The following RTL10 variants were observed in gnomAD, a reference collection of about 807,000 sequenced individuals.
RTL10 encodes protein Bop.
For synonymous variants in RTL10, 199 were observed against 188.4 expected (o/e 1.06, Z -0.46); for missense variants, 477 against 470.7 (o/e 1.01, Z -0.12).
In RTL10 at chr22:19,852,460, C is replaced by A; in HGVS notation, c.-199G>T. 1.3e-5 allele frequency: 8 copies of A among 602,780 alleles called. No individual in the cohort carries two copies. Among genetic ancestry groups the A allele is most frequent in the Non-Finnish European group, 1.8e-5 (6 of 338,792 alleles). The allele number at this position is 602,780 out of a possible 1,614,324, so 37.3% of individuals were successfully genotyped here. On this transcript the variant is annotated 5_prime_UTR_variant, in exon 3 of 3. An upstream open reading frame in the 5' UTR loses its in-frame stop. Coordinates refer to ENST00000328554, the MANE Select transcript of RTL10 (RefSeq NM_024627.6). ...GAGCTGAGAAGAGCTGAGAGACTGT[C>A]AGTCGCAGGCCATCATCCGAGGCAA...
Position 19,851,810 on chromosome 22 carries a change from T to A in RTL10, c.452A>T (p.Gln151Leu). 1 of 1,614,032 alleles carries A rather than the reference T, an allele frequency of 6.2e-7. No individual in the cohort carries two copies. Residue 151 changes from glutamine (Q) to leucine (L), a missense_variant, in exon 3 of 3, where the codon CAG becomes CTG. By Grantham distance (113) the Gln-to-Leu change is moderately radical (BLOSUM62 -2). Coordinates refer to ENST00000328554, the MANE Select transcript of RTL10 (RefSeq NM_024627.6). ...ATCAAGGTAGGGGGCTGCCCAGGCC[T>A]GGGCTCGGCCTGTTAGGCGCCTGAG... is the stretch of plus-strand genomic sequence containing the variant. ...EILRRLTGRA[Q>L]AWAAPYLDGD...
At position 19,850,859 on chromosome 22, in the gene RTL10, G is replaced by A; in HGVS notation, c.*308C>T. The A allele has an allele frequency of 2.3e-6, 3 of 1,326,760 alleles. No homozygotes were observed. The highest frequency in any genetic ancestry group is 2.5e-5 in the South Asian group (1 of 39,958). 82.2% of individuals were successfully genotyped at this position (1,326,760 alleles called of 1,614,324 possible). A position where few individuals can be genotyped will look rare whatever the true frequency, so the allele number is the denominator to read the frequency against. On this transcript the variant is annotated 3_prime_UTR_variant, in exon 3 of 3. Transcript: ENST00000328554. The stretch of plus-strand genomic sequence containing the variant: ...GACAAAGATGATGCAACTATCTGCT[G>A]AGAGTTGATCTACAAAACGACCCCC...
In RTL10 at chr22:19,850,691, G is replaced by C. The variant is rs1305097198; in HGVS notation, c.*476C>G. ...CATTCCAGCTGGGACAGAAGTCACA[G>C]GGAGCAGAGAGGGTGGGGCTAGGGG... On this transcript the variant is annotated 3_prime_UTR_variant, in exon 3 of 3. Coordinates refer to ENST00000328554, the MANE Select transcript of RTL10 (RefSeq NM_024627.6). 1 of 1,231,934 alleles carries C rather than the reference G, an allele frequency of 8.1e-7. No homozygotes were observed. The highest frequency in any genetic ancestry group is 1.0e-6 in the Non-Finnish European group (1 of 988,812). 76.3% of individuals were successfully genotyped at this position (1,231,934 alleles called of 1,614,324 possible).
chr22:19,852,835 T>G (rs1280654755), intron 2 of RTL10, among the ~76,000 whole-genome samples: 1 of 152,130 alleles, frequency 6.6e-6, no homozygotes, highest in Non-Finnish European at 1.5e-5. Context: ...AGGCACACAG[T>G]GGTGAAGTAA....
Position 19,852,238 on chromosome 22 carries a change from C to A in RTL10, c.24G>T (p.Gln8His), listed in dbSNP as rs200464874. MPRGRCR[Q>H]QGPRIPIWAA... is the part of the protein sequence containing the mutation. The stretch of plus-strand genomic sequence containing the variant: ...CCCAGATGGGAATGCGAGGGCCCTG[C>A]TGACGGCACCGGCCACGAGGCATGC... The change falls in exon 3 of 3, where the codon CAG (glutamine) becomes CAT (histidine). Residue 8 changes from glutamine to histidine, a missense_variant. Coordinates refer to ENST00000328554, the MANE Select transcript of RTL10 (RefSeq NM_024627.6). 1 of 1,607,976 alleles carries A rather than the reference C, an allele frequency of 6.2e-7. No individual in the cohort carries two copies. The highest frequency in any genetic ancestry group is 8.5e-7 in the Non-Finnish European group (1 of 1,177,488).
At chr22:19,852,614 C>A (rs148084730) in intron 2 of RTL10, 128 bp from the exon 3 acceptor site, 3 of 268,720 alleles carry the variant, frequency 1.1e-5, no homozygotes, top group Non-Finnish European at 2.1e-5. Flanking sequence ...AAGGAGGGGC[C>A]CAGGGGGCTG....
Position 19,847,374 on chromosome 22 carries a change from T to C in RTL10, c.*3793A>G. Reference sequence around the variant, plus strand: ...GCCTTGCTCCTTTATTGCTGGATCTTTGGGCTTTTCCAGTTCTGCTGTTCA... The same window carrying C: ...GCCTTGCTCCTTTATTGCTGGATCTCTGGGCTTTTCCAGTTCTGCTGTTCA... On this transcript the variant is annotated 3_prime_UTR_variant, in exon 3 of 3. Transcript: ENST00000328554. 1.2e-5 allele frequency: 12 copies of C among 985,452 alleles called. No individual in the cohort carries two copies. The highest frequency in any genetic ancestry group is 1.4e-5 in the Non-Finnish European group (12 of 829,932). 61.0% of individuals were successfully genotyped at this position (985,452 alleles called of 1,614,324 possible). A position where few individuals can be genotyped will look rare whatever the true frequency, so the allele number is the denominator to read the frequency against.
In RTL10 at chr22:19,847,502, G is replaced by GCC. The variant is rs1569056267; in HGVS notation, c.*3664_*3665insGG. 40 of 985,264 alleles carry GCC rather than the reference G, an allele frequency of 4.1e-5. No homozygotes were observed. The highest frequency in any genetic ancestry group is 4.7e-5 in the Non-Finnish European group (39 of 829,958). The allele number at this position is 985,264 out of a possible 1,614,324, so 61.0% of individuals were successfully genotyped here. Reference sequence around the variant, plus strand: ...TCAACCCTTCTAACCACCCCATGAGGAAAAACTCTGGTCACAGCTCAAAAA... The same window carrying GCC: ...TCAACCCTTCTAACCACCCCATGAGGCCAAAAACTCTGGTCACAGCTCAAAAA... On this transcript the variant is annotated 3_prime_UTR_variant, in exon 3 of 3. Transcript: ENST00000328554.
Position 19,850,928 on chromosome 22 carries a change from G to A in RTL10, c.*239C>T. On this transcript the variant is annotated 3_prime_UTR_variant, in exon 3 of 3. Transcript: ENST00000328554. The stretch of plus-strand genomic sequence containing the variant: ...GTGAGACGGCACTCCCAGAAGACGG[G>A]CAGGGATGCAGCAGAGAGCCAGCAG... The A allele has an allele frequency of 1.5e-6, 2 of 1,365,860 alleles. No individual in the cohort carries two copies. Among genetic ancestry groups the A allele is most frequent in the Non-Finnish European group, 1.9e-6 (2 of 1,063,720 alleles). The allele number at this position is 1,365,860 out of a possible 1,614,324, so 84.6% of individuals were successfully genotyped here.
chr22:19,853,323 G>A (rs932774828), intron 2 of RTL10, among the ~76,000 whole-genome samples: 2 of 152,136 alleles, frequency 1.3e-5, no homozygotes, highest in African/African-American at 4.8e-5. Context: ...TCTGATGGCT[G>A]GACCCGCCCC....
rs945157024 is a variant in RTL10 at position 19,847,660 on chromosome 22, G to A, written c.*3507C>T. The A allele has an allele frequency of 1.0e-6, 1 of 984,952 alleles. No homozygotes were observed. The highest frequency in any genetic ancestry group is 5.2e-4 in the Middle Eastern group (1 of 1,912). The allele number at this position is 984,952 out of a possible 1,614,324, so 61.0% of individuals were successfully genotyped here. ...GCAAGAGCCTTCATGCACCTAGCAAGTAGTCACAGCATGCATGTGCCTAGA... is the reference window on the plus strand; with the variant it reads ...GCAAGAGCCTTCATGCACCTAGCAAATAGTCACAGCATGCATGTGCCTAGA... On this transcript the variant is annotated 3_prime_UTR_variant, in exon 3 of 3. Transcript: ENST00000328554.
chr22:19,846,801 A>C lies in RTL10; in HGVS notation c.*4366T>G, dbSNP rs1937972197. ...AGGCCAAGGAGCGAGGCCTCAGGAG[A>C]AACCAACCCTGCCCACACCTTGATC... On this transcript the variant is annotated 3_prime_UTR_variant, in exon 3 of 3. Transcript: ENST00000328554. 3.3e-6 allele frequency: 2 copies of C among 612,276 alleles called. No homozygotes were observed. Among genetic ancestry groups the C allele is most frequent in the South Asian group, 1.4e-4 (2 of 13,968 alleles). 37.9% of individuals were successfully genotyped at this position (612,276 alleles called of 1,614,324 possible).
chr22:19,850,832 G>C lies in RTL10; in HGVS notation c.*335C>G. On this transcript the variant is annotated 3_prime_UTR_variant, in exon 3 of 3. Transcript: ENST00000328554. ...AGGGGGGTGTTTTATGGGGGTGGAG[G>C]TGACAAAGATGATGCAACTATCTGC... is the stretch of plus-strand genomic sequence containing the variant. The C allele has an allele frequency of 1.5e-6, 2 of 1,305,376 alleles. No individual in the cohort carries two copies. Among genetic ancestry groups the C allele is most frequent in the Non-Finnish European group, 1.9e-6 (2 of 1,031,544 alleles). The allele number at this position is 1,305,376 out of a possible 1,614,324, so 80.9% of individuals were successfully genotyped here.
At position 19,848,871 on chromosome 22, in the gene RTL10, G is replaced by C; in HGVS notation, c.*2296C>G. On this transcript the variant is annotated 3_prime_UTR_variant, in exon 3 of 3. Coordinates refer to ENST00000328554, the MANE Select transcript of RTL10 (RefSeq NM_024627.6). ...TAAAGGGAGATGGGGAAGGTGGCCT[G>C]TCCAGAAGCCTGTGGGACAGGGTAA... 1.0e-6 allele frequency: 1 copy of C among 985,470 alleles called. No individual in the cohort carries two copies. Among genetic ancestry groups the C allele is most frequent in the Non-Finnish European group, 1.2e-6 (1 of 829,956 alleles). 61.0% of individuals were successfully genotyped at this position (985,470 alleles called of 1,614,324 possible). A position where few individuals can be genotyped will look rare whatever the true frequency, so the allele number is the denominator to read the frequency against.
In RTL10 at chr22:19,851,329, G is replaced by C. The variant is rs771017052; in HGVS notation, c.933C>G (p.Ala311=). 11 of 1,614,076 alleles carry C rather than the reference G, an allele frequency of 6.8e-6. No individual in the cohort carries two copies. The Middle Eastern group carries it at 6.6e-4, about 97-fold the overall frequency. ...CTGGATGAGCTGGGTCTGGTCTCTG[G>C]GCAGGAGGATTAGCTGACTCCGACA... ...PRLSESANPP[A]QRPDPAHPGG... The change falls in exon 3 of 3, where the codon GCC becomes GCG. Residue 311 remains alanine, a synonymous_variant. Transcript: ENST00000328554.
chr22:19,853,009 G>C (rs1041121724), intron 2 of RTL10, among the ~76,000 whole-genome samples: 2 of 152,156 alleles, frequency 1.3e-5, no homozygotes, highest in African/African-American at 4.8e-5. Context: ...AGACCGCGTC[G>C]TCATTAGGCT....
At position 19,846,299 on chromosome 22, in the gene RTL10, G is replaced by T; in HGVS notation, c.*4868C>A. 2 of 481,134 alleles carry T rather than the reference G, an allele frequency of 4.2e-6. No individual in the cohort carries two copies. The highest frequency in any genetic ancestry group is 5.4e-6 in the Non-Finnish European group (2 of 368,234). The allele number at this position is 481,134 out of a possible 1,614,324, so 29.8% of individuals were successfully genotyped here. On this transcript the variant is annotated 3_prime_UTR_variant, in exon 3 of 3. Coordinates refer to ENST00000328554, the MANE Select transcript of RTL10 (RefSeq NM_024627.6). ...GTGGACTCAAGGTTGAATGTCAAAG[G>T]CAGAAAGTTACAACCTGGGAATACA... is the stretch of plus-strand genomic sequence containing the variant.
In RTL10 at chr22:19,854,688, CA is replaced by C. The variant is rs1238176506; in HGVS notation, c.-352del. On this transcript the variant is annotated 5_prime_UTR_variant, in exon 1 of 3. Transcript: ENST00000328554. ...GAAACTGAGGCCCGCAGACCGAAGGCACTGCGACCCAGGCTGGGGCTCCGAG... is the reference window on the plus strand; with the variant it reads ...GAAACTGAGGCCCGCAGACCGAAGGCCTGCGACCCAGGCTGGGGCTCCGAG... The C allele has an allele frequency of 6.6e-6, 1 of 152,600 alleles. No homozygotes were observed. Among genetic ancestry groups the C allele is most frequent in the Non-Finnish European group, 1.5e-5 (1 of 68,276 alleles). 9.5% of individuals were successfully genotyped at this position (152,600 alleles called of 1,614,324 possible).
At position 19,851,211 on chromosome 22, in the gene RTL10, C is replaced by T. The variant is rs1260661261; in HGVS notation, c.1051G>A (p.Ala351Thr). The T allele has an allele frequency of 6.3e-7, 1 of 1,595,064 alleles. No homozygotes were observed. Among genetic ancestry groups the T allele is most frequent in the Non-Finnish European group, 8.5e-7 (1 of 1,170,114 alleles). ...SLGTPQEVVE[A>T]PETPGEPPLS... is the part of the protein sequence containing the mutation. ...GGTGGCTCTCCTGGGGTCTCCGGGG[C>T]CTCCACCACCTCCTGTGGGGTACCT... The change falls in exon 3 of 3, where the codon GCC becomes ACC. Residue 351 changes from alanine (A) to threonine (T), a missense_variant. Physicochemically the swap from Ala to Thr is moderately conservative, Grantham distance 58 (BLOSUM62 0). Transcript: ENST00000328554.
Sources: gnomAD v4.1 joint callset for allele counts (sites outside exome capture counted in the v4.1 genomes callset) on GRCh38, gnomAD v4.1.1 for gene constraint, MANE v1.5 for transcripts, NCBI Gene and HGNC (gene_info 2026-07-23, HGNC 2026-07-21) for gene names.